CAPZA1: variants seen among roughly 807,000 people sequenced by gnomAD.
The protein encoded by CAPZA1 is capping actin protein of muscle Z-line subunit alpha 1, also known as F-actin-capping protein subunit alpha-1.
CAPZA1 carries 10 observed loss-of-function variants against 40.8 expected under a neutral mutation model. The ratio of observed to expected loss-of-function variants is 0.25; its 90% CI spans 0.15 to 0.42. The LOEUF (loss-of-function observed/expected upper bound fraction) is 0.42, where lower values mean the gene tolerates loss of function less well. CAPZA1 is among the 10% of genes least tolerant of loss of function. The pLI is 1.00. For missense variants in CAPZA1, 277 were observed against 353.8 expected, an observed-to-expected ratio of 0.78 and a Z score of 1.74; for synonymous variants, 98 against 115.0, an observed-to-expected ratio of 0.85 and a Z score of 0.95.
rs764250947 is a variant in CAPZA1, at chr1:112,647,214, G to T, written c.44G>T (p.Arg15Leu). The change falls in exon 2 of 10, where the codon CGC becomes CTC. Residue 15 changes from arginine (R) to leucine (L), a missense_variant. Transcript: ENST00000263168. ...GTAAATTTTGTTTCTCTTTAGGTAC[G>T]CATAGCTGCTAAATTCATCACTCAT... Reference protein sequence around the residue: ...DDRVSDEEKVRIAAKFITHAP... With the variant: ...DDRVSDEEKVLIAAKFITHAP... 5 of 1,506,508 alleles carry T rather than the reference G, an allele frequency of 3.3e-6. No individual in the cohort carries two copies. Among genetic ancestry groups the T allele is most frequent in the Non-Finnish European group, 3.6e-6 (4 of 1,114,124 alleles). The allele number at this position is 1,506,508 out of a possible 1,614,324, so 93.3% of individuals were successfully genotyped here.
chr1:112,639,943 G>A (rs1253682673), intron 1 of CAPZA1, among the ~76,000 whole-genome samples: 1 of 116,414 alleles, frequency 8.6e-6, no homozygotes, highest in Non-Finnish European at 1.9e-5. Flanking sequence ...CCGGCCAGCC[G>A]CCCCGTCCGG....
At chr1:112,636,799 A>G (rs745372164) in intron 1 of CAPZA1, among the ~76,000 whole-genome samples, 5 of 152,160 alleles carry the variant, frequency 3.3e-5, no homozygotes, top group Non-Finnish European at 5.9e-5. Context: ...GTCATCCCTC[A>G]TCTGTATTGT....
Position 112,653,577 on chromosome 1 carries a change from AAAAC to A in CAPZA1, c.156-20_156-17del, listed in dbSNP as rs761958137. The A allele has an allele frequency of 5.1e-5, 75 of 1,472,346 alleles. No homozygotes were observed. The highest frequency in any genetic ancestry group is 3.3e-4 in the South Asian group (26 of 78,396). The allele number at this position is 1,472,346 out of a possible 1,614,324, so 91.2% of individuals were successfully genotyped here. A position where few individuals can be genotyped will look rare whatever the true frequency, so the allele number is the denominator to read the frequency against. On this transcript the variant is annotated splice_polypyrimidine_tract_variant and intron_variant, in intron 3 of 9. Coordinates refer to ENST00000263168, the MANE Select transcript of CAPZA1 (RefSeq NM_006135.3). Reference sequence around the variant, plus strand: ...TCCCTCTTTTTTTTTTTTTTTTTAAAAAACTTTTAAAAAAAAACAGTGCATTTGC... The same window carrying A: ...TCCCTCTTTTTTTTTTTTTTTTTAAATTTTAAAAAAAAACAGTGCATTTGC...
chr1:112,661,625 G>A (rs1445584448), intron 7 of CAPZA1, among the ~76,000 whole-genome samples: 1 of 152,186 alleles, frequency 6.6e-6, no homozygotes, highest in Non-Finnish European at 1.5e-5. Context: ...TGTAACTGTG[G>A]CATTAGCATT....
chr1:112,640,239 C>A, intron 1 of CAPZA1, among the ~76,000 whole-genome samples: 1 of 106,402 alleles, frequency 9.4e-6, no homozygotes, highest in African/African-American at 3.7e-5. Context: ...AGGTGAGGGG[C>A]GCCTCTGCCC....
intron 7 of CAPZA1, among the ~76,000 whole-genome samples, chr1:112,663,958 G>T (rs770819026): frequency 1.3e-5 from 2 of 151,982 alleles, no homozygotes; most frequent in Non-Finnish European, 2.9e-5. Flanking sequence ...TACTTGCCGG[G>T]CACGGTGGCT....
chr1:112,621,531 C>T (rs989132110), intron 1 of CAPZA1, among the ~76,000 whole-genome samples: 2 of 152,070 alleles, frequency 1.3e-5, no homozygotes, highest in Admixed American at 6.6e-5. Context: ...GGATTACAGG[C>T]GTAAGCCACC....
rs200171825 is a variant in CAPZA1, at chr1:112,670,180, G to A, written c.*48G>A. 51 of 1,601,066 alleles carry A rather than the reference G, an allele frequency of 3.2e-5. No homozygotes were observed. The highest frequency in any genetic ancestry group is 3.1e-4 in the African/African-American group (23 of 74,632). On this transcript the variant is annotated 3_prime_UTR_variant, in exon 10 of 10. Coordinates refer to ENST00000263168, the MANE Select transcript of CAPZA1 (RefSeq NM_006135.3). ...GTATGTGGAAAGACAAGGATTCAAC[G>A]TGTGGTCATATGATAAATAAGTGAT... is the stretch of plus-strand genomic sequence containing the variant.
intron 7 of CAPZA1, among the ~76,000 whole-genome samples, chr1:112,663,122 G>A (rs142558492): frequency 8.6e-5 from 13 of 152,028 alleles, no homozygotes; most frequent in South Asian, 8.3e-4. Flanking sequence ...ATGCCACCAC[G>A]CCCAGCTAAT....
intron 1 of CAPZA1, among the ~76,000 whole-genome samples, chr1:112,624,427 G>A (rs574453502): frequency 3.3e-5 from 5 of 151,984 alleles, no homozygotes; most frequent in South Asian, 2.1e-4. Context: ...TGACCAACAC[G>A]GTGAAACCCT....
rs1553181440 is a variant in CAPZA1, at chr1:112,670,364, T to TTC, written c.*233_*234insCT. ...TATCTACGTGTAAATCTTTTTTTCT[T>TTC]TTTTTTTTTTTTTTTTTGGTTAATT... On this transcript the variant is annotated 3_prime_UTR_variant, in exon 10 of 10. Coordinates refer to ENST00000263168, the MANE Select transcript of CAPZA1 (RefSeq NM_006135.3). The TTC allele has an allele frequency of 2.0e-5, 6 of 296,652 alleles. No individual in the cohort carries two copies. The highest frequency in any genetic ancestry group is 4.7e-5 in the South Asian group (1 of 21,166). The allele number at this position is 296,652 out of a possible 1,614,324, so 18.4% of individuals were successfully genotyped here.
intron 1 of CAPZA1, chr1:112,646,756 ATGAGT>A (rs1671288648): frequency 6.8e-6 from 1 of 147,710 alleles, no homozygotes; most frequent in African/African-American, 2.5e-5. Context: ...TTTTTTCAGC[ATGAGT>A]TGAGATGATC....
intron 1 of CAPZA1, among the ~76,000 whole-genome samples, chr1:112,636,622 C>CTTT (rs565852241): frequency 6.8e-6 from 1 of 146,662 alleles, no homozygotes. Context: ...TTTTTAAAGG[C>CTTT]TTTTTTTTTT....
chr1:112,668,990 A>C (rs1436926736), intron 8 of CAPZA1, among the ~76,000 whole-genome samples: 1 of 152,204 alleles, frequency 6.6e-6, no homozygotes, highest in East Asian at 1.9e-4. Context: ...TCTTCCCTTT[A>C]ATTCTGTTGT....
chr1:112,634,846 T>C (rs1670985869), intron 1 of CAPZA1: 1 of 152,168 alleles, frequency 6.6e-6, no homozygotes, highest in African/African-American at 2.4e-5. Context: ...TTCAAAGAGA[T>C]TTTTAAGTGA....
Position 112,652,061 on chromosome 1 carries a change from C to T in CAPZA1, c.156-1537C>T, listed in dbSNP as rs139178114. On this transcript the variant is annotated intron_variant, in intron 3 of 9. Coordinates refer to ENST00000263168, the MANE Select transcript of CAPZA1 (RefSeq NM_006135.3). ...ACTTGAATCCGGAAGGCAGAGGTTG[C>T]GGTAAGCCAAGATCGTACCACAGCA... Among the ~76,000 whole-genome samples, 8 of 151,656 alleles carry T rather than the reference C, an allele frequency of 5.3e-5. No homozygotes were observed. The East Asian group carries it at 1.2e-3, about 22-fold the overall frequency.
chr1:112,669,719 C>A, intron 9 of CAPZA1, 114 bp downstream of exon 9: 1 of 866,530 alleles, frequency 1.2e-6, no homozygotes, highest in Non-Finnish European at 1.8e-6. Context: ...TTCAGTTTTA[C>A]TAAATGTGGG....
intron 1 of CAPZA1, among the ~76,000 whole-genome samples, chr1:112,622,083 G>T (rs1222072437): frequency 3.3e-5 from 5 of 151,780 alleles, no homozygotes; most frequent in Non-Finnish European, 5.9e-5. Context: ...TTTAATAGCA[G>T]ATCTGTGACC....
chr1:112,649,861 GTTAAAA>G, intron 3 of CAPZA1: 1 of 185,884 alleles, frequency 5.4e-6, no homozygotes, highest in Non-Finnish European at 1.1e-5. Flanking sequence ...TGCCTTAATA[GTTAAAA>G]TTAACCATAA....
Sources: gnomAD v4.1 joint callset for allele counts (sites outside exome capture counted in the v4.1 genomes callset) on GRCh38, gnomAD v4.1.1 for gene constraint, MANE v1.5 for transcripts, NCBI Gene and HGNC (gene_info 2026-07-23, HGNC 2026-07-21) for gene names.